The following ERI1 variants were observed in gnomAD, a reference collection of about 807,000 sequenced individuals.
ERI1 encodes 3'-5' exoribonuclease 1.
In ERI1, 39 loss-of-function variants were observed where a neutral mutation model predicts 39.7. The observed-to-expected ratio is 0.98, with a 90% CI of 0.76 to 1.28. The LOEUF (loss-of-function observed/expected upper bound fraction) is 1.28. Among genes scored for constraint, ERI1 ranks in the 50% most tolerant of loss-of-function variants. The pLI, the probability that ERI1 is intolerant of heterozygous loss-of-function variation, is 0.00. For missense variants in ERI1, 581 were observed against 416.9 expected (o/e 1.39, Z -3.43); for synonymous variants, 204 against 149.6 (o/e 1.36, Z -2.65).
intron 3 of ERI1, chr8:9,048,308 G>C (rs1382372934): frequency 1.3e-5 from 2 of 154,276 alleles, no homozygotes; most frequent in African/African-American, 4.8e-5. Context: ...ACTGCATTAG[G>C]GAAGCAGTGA....
In ERI1 at chr8:9,013,819, C is replaced by G. The variant is rs572489375; in HGVS notation, c.498+2067C>G. On this transcript the variant is annotated intron_variant, in intron 3 of 6. Coordinates refer to ENST00000250263, the MANE Select transcript of ERI1 (RefSeq NM_153332.4). ...TTGGAGTCATCTTTGACTCTTGTTT[C>G]TCTCACATCCAGGTCATCAATGATT... Among the ~76,000 whole-genome samples, 83 of 152,236 alleles carry G rather than the reference C, an allele frequency of 5.5e-4. 2 individuals carry two copies. In the South Asian group the frequency reaches 7.5e-3, roughly 14 times the overall value.
chr8:9,055,213 G>A (rs910769812), intron 3 of ERI1, among the ~76,000 whole-genome samples: 8 of 152,302 alleles, frequency 5.3e-5, no homozygotes, highest in African/African-American at 1.4e-4. Flanking sequence ...TAGTGTTTGC[G>A]TTATTTGAAT....
intron 3 of ERI1, among the ~76,000 whole-genome samples, chr8:9,038,827 G>GT (rs1424962823): frequency 6.6e-6 from 1 of 152,182 alleles, no homozygotes; most frequent in African/African-American, 2.4e-5. Context: ...ATGAGATAAT[G>GT]TTTTTACAAT....
At chr8:9,008,666 G>C (rs1816312081) in intron 2 of ERI1, among the ~76,000 whole-genome samples, 1 of 152,152 alleles carries the variant, frequency 6.6e-6, no homozygotes, top group Non-Finnish European at 1.5e-5. Flanking sequence ...TTAGTCAACT[G>C]TATGTGTATT....
At chr8:9,075,799 A>T (rs1005602790) in intron 3 of ERI1, among the ~76,000 whole-genome samples, 28 of 152,252 alleles carry the variant, frequency 1.8e-4, no homozygotes, top group South Asian at 4.1e-4. Flanking sequence ...ATCTTAAAAA[A>T]TTTTTTATTT....
At chr8:9,019,809 T>G (rs1041442266) in intron 5 of ERI1, among the ~76,000 whole-genome samples, 3 of 152,198 alleles carry the variant, frequency 2.0e-5, no homozygotes, top group Admixed American at 1.3e-4. Flanking sequence ...TAATTTCCAC[T>G]GCTATTATTC....
At chr8:9,059,007 AAG>A (rs1380681005) in intron 3 of ERI1, among the ~76,000 whole-genome samples, 4 of 152,106 alleles carry the variant, frequency 2.6e-5, no homozygotes, top group Non-Finnish European at 5.9e-5. Context: ...TGAGTCCAAA[AAG>A]AGTCAGCGAA....
chr8:9,077,784 A>G (rs373218017), intron 3 of ERI1, among the ~76,000 whole-genome samples: 15 of 152,282 alleles, frequency 9.9e-5, no homozygotes, highest in African/African-American at 3.6e-4. Context: ...ATAAGAGAGG[A>G]CTAGAGAAAG....
rs1382276978 is a variant in ERI1, at chr8:9,002,962, C to T, written c.-102C>T. The T allele has an allele frequency of 2.4e-6, 2 of 850,808 alleles. No individual in the cohort carries two copies. Among genetic ancestry groups the T allele is most frequent in the Non-Finnish European group, 3.1e-6 (2 of 637,430 alleles). 52.7% of individuals were successfully genotyped at this position (850,808 alleles called of 1,614,324 possible). On this transcript the variant is annotated 5_prime_UTR_variant, in exon 1 of 7. Transcript: ENST00000250263. ...TGGCCGCCGCCGCGGGAACGCGAGC[C>T]CGGTAATTTTTCAACGGAGAAAGGC...
At chr8:9,074,179 C>G (rs892580044) in intron 3 of ERI1, among the ~76,000 whole-genome samples, 1 of 151,834 alleles carries the variant, frequency 6.6e-6, no homozygotes, top group Non-Finnish European at 1.5e-5. Context: ...GGTGCAATCT[C>G]GGCTCACTGC....
At chr8:9,007,148 T>G (rs1816106290) in intron 1 of ERI1, among the ~76,000 whole-genome samples, 1 of 152,220 alleles carries the variant, frequency 6.6e-6, no homozygotes, top group Non-Finnish European at 1.5e-5. Context: ...AAAATAGAAT[T>G]GAGTCATGTT....
Position 9,030,044 on chromosome 8 carries a change from T to A in ERI1, c.*10T>A. 2 of 1,611,856 alleles carry A rather than the reference T, an allele frequency of 1.2e-6. No individual in the cohort carries two copies. The highest frequency in any genetic ancestry group is 1.7e-6 in the Non-Finnish European group (2 of 1,178,098). On this transcript the variant is annotated 3_prime_UTR_variant, in exon 7 of 7. Transcript: ENST00000250263. ...ACATTTTAGAAAGTAACAACAGTTT[T>A]GTGTGTGGATCATTCCAATTGAAGT... is the stretch of plus-strand genomic sequence containing the variant.
chr8:9,007,119 T>C (rs1464502863), intron 1 of ERI1, among the ~76,000 whole-genome samples: 1 of 152,216 alleles, frequency 6.6e-6, no homozygotes, highest in East Asian at 1.9e-4. Context: ...ATATTAGTAA[T>C]TTGAGACTGC....
intron 6 of ERI1, among the ~76,000 whole-genome samples, chr8:9,027,576 C>CA (rs1797268162): frequency 6.6e-6 from 1 of 152,076 alleles, no homozygotes; most frequent in Non-Finnish European, 1.5e-5. Context: ...AAAGCCTTTT[C>CA]CATATGTTTT....
At chr8:9,087,665 G>C (rs923976829) in intron 3 of ERI1, among the ~76,000 whole-genome samples, 7 of 152,140 alleles carry the variant, frequency 4.6e-5, no homozygotes, top group Non-Finnish European at 7.4e-5. Flanking sequence ...TTAGTTTGGA[G>C]ATGTAGCAAC....
chr8:9,027,343 G>T (rs1797248927), intron 6 of ERI1, among the ~76,000 whole-genome samples: 1 of 151,962 alleles, frequency 6.6e-6, no homozygotes, highest in Non-Finnish European at 1.5e-5. Context: ...ACTAAATGAG[G>T]TATCATGATG....
chr8:9,034,683 A>C (rs1797784634), downstream of ERI1, among the ~76,000 whole-genome samples: 1 of 152,222 alleles, frequency 6.6e-6, no homozygotes, highest in Admixed American at 6.5e-5. Flanking sequence ...TAGGGCAATT[A>C]ATAAGCCTAC....
intron 3 of ERI1, among the ~76,000 whole-genome samples, chr8:9,064,056 G>A (rs189102616): frequency 6.6e-6 from 1 of 151,964 alleles, no homozygotes; most frequent in African/African-American, 2.4e-5. Flanking sequence ...TAAGGGGTTG[G>A]GGCACAGAGA....
chr8:9,006,356 A>T (rs934887327), intron 1 of ERI1, among the ~76,000 whole-genome samples: 1 of 152,196 alleles, frequency 6.6e-6, no homozygotes, highest in African/African-American at 2.4e-5. Flanking sequence ...TCTATAGAAG[A>T]GGCCTAAGTG....
Sources: allele counts gnomAD v4.1 joint callset (sites outside exome capture counted in the v4.1 genomes callset), GRCh38; gene constraint gnomAD v4.1.1; transcripts MANE v1.5; gene names NCBI Gene and HGNC (gene_info 2026-07-23, HGNC 2026-07-21).